The following CHGA variants were observed in gnomAD, a reference collection of about 807,000 sequenced individuals.
The protein encoded by CHGA is chromogranin A, also known as chromogranin-A.
A neutral mutation model predicts 54.4 loss-of-function variants in CHGA; 41 were observed. That is an observed-to-expected ratio of 0.75 (90% CI 0.59 to 0.98). The LOEUF is 0.98. Among genes scored for constraint, CHGA ranks in the 50% least tolerant of loss-of-function variants. The pLI is 0.00. For missense variants in CHGA, 576 were observed against 582.3 expected (o/e 0.99, Z 0.11); for synonymous variants, 249 against 232.8 (o/e 1.07, Z -0.63).
chr14:92,933,826 A>G (rs1887062597), intron 7 of CHGA, among the ~76,000 whole-genome samples: 1 of 152,194 alleles, frequency 6.6e-6, no homozygotes, highest in Non-Finnish European at 1.5e-5. Flanking sequence ...GGGGGCCCAG[A>G]GGTGCCACCA....
At chr14:92,928,300 G>GGT (rs1242839244) in intron 4 of CHGA, among the ~76,000 whole-genome samples, 1 of 152,210 alleles carries the variant, frequency 6.6e-6, no homozygotes, top group Non-Finnish European at 1.5e-5. Flanking sequence ...CTTCAGGATG[G>GGT]GCCCCACTCT....
chr14:92,925,914 G>A (rs9658646), intron 2 of CHGA, among the ~76,000 whole-genome samples: 1,884 of 152,224 alleles, frequency 0.012, 41 homozygotes, highest in African/African-American at 0.043. Flanking sequence ...TTTATCAGAT[G>A]CCTAATTATC....
chr14:92,924,278 G>A (rs1471244223), intron 2 of CHGA, 33 bp downstream of exon 2: 5 of 1,601,124 alleles, frequency 3.1e-6, no homozygotes, highest in South Asian at 1.1e-5. Context: ...AGGGGTAGGA[G>A]GCTCCAGTGG....
intron 5 of CHGA, among the ~76,000 whole-genome samples, chr14:92,930,389 T>G (rs766682061): frequency 5.9e-5 from 9 of 152,178 alleles, no homozygotes; most frequent in Non-Finnish European, 8.8e-5. Flanking sequence ...CTGCTCTCCA[T>G]GTAGAAGATG....
intron 2 of CHGA, among the ~76,000 whole-genome samples, chr14:92,925,710 G>T (rs1886873532): frequency 3.3e-5 from 5 of 152,164 alleles, no homozygotes; most frequent in Admixed American, 2.0e-4. Context: ...CCCTCCCTGG[G>T]CGTGCTGACA....
chr14:92,928,133 C>T (rs1263509675), intron 4 of CHGA, among the ~76,000 whole-genome samples: 2 of 152,212 alleles, frequency 1.3e-5, no homozygotes, highest in Non-Finnish European at 2.9e-5. Context: ...GGGAAGCGGC[C>T]GTTTCCACCA....
Position 92,931,912 on chromosome 14 carries a change from C to T in CHGA, c.808+210C>T, listed in dbSNP as rs543077565. The stretch of plus-strand genomic sequence containing the variant: ...ATTTGTAGCAAAAGCTGAGGTTCTA[C>T]CCCAGATTTATCTGACTCCAAAACC... On this transcript the variant is annotated intron_variant, in intron 6 of 7. Transcript: ENST00000216492. 2.2e-4 allele frequency among the ~76,000 whole-genome samples: 34 copies of T among 152,322 alleles called. No individual in the cohort carries two copies. In the South Asian group the frequency reaches 6.8e-3, roughly 31 times the overall value.
rs911132107 is a variant in CHGA, at chr14:92,932,967, G to C, written c.1290+116G>C. On this transcript the variant is annotated intron_variant, in intron 7 of 7. Coordinates refer to ENST00000216492, the MANE Select transcript of CHGA (RefSeq NM_001275.4). The surrounding 1 kb of genome is among the most constrained non-coding windows in gnomAD (Gnocchi z 5.3). Reference sequence around the variant, plus strand: ...GGACAGGGCCCCCCCGCCGAAGTCTGGGGATGGAGAGATGCTCAGACCGGG... The same window carrying C: ...GGACAGGGCCCCCCCGCCGAAGTCTCGGGATGGAGAGATGCTCAGACCGGG... 21 of 1,404,674 alleles carry C rather than the reference G, an allele frequency of 1.5e-5. No homozygotes were observed. In the African/African-American group the frequency reaches 2.2e-4, roughly 15 times the overall value. 87.0% of individuals were successfully genotyped at this position (1,404,674 alleles called of 1,614,324 possible). A position where few individuals can be genotyped will look rare whatever the true frequency, so the allele number is the denominator to read the frequency against.
At chr14:92,924,636 G>C (rs569120265) in intron 2 of CHGA, among the ~76,000 whole-genome samples, 25 of 152,286 alleles carry the variant, frequency 1.6e-4, no homozygotes, top group Non-Finnish European at 3.1e-4. Context: ...TGGCCTCCCC[G>C]CTTTGCTCTT....
rs1292055149 is a variant in CHGA at position 92,934,669 on chromosome 14, T to C, written c.1291-132T>C. The stretch of plus-strand genomic sequence containing the variant: ...AGTAAGCTCATTATCACTGTCTCCA[T>C]GATGGATGAGGGTACAGAGAGACAA... On this transcript the variant is annotated intron_variant, in intron 7 of 7. Transcript: ENST00000216492. 4.5e-6 allele frequency: 3 copies of C among 671,538 alleles called. No homozygotes were observed. In the African/African-American group the frequency reaches 5.6e-5, roughly 13 times the overall value. 41.6% of individuals were successfully genotyped at this position (671,538 alleles called of 1,614,324 possible).
At position 92,934,966 on chromosome 14, in the gene CHGA, C is replaced by A; in HGVS notation, c.*82C>A. The A allele has an allele frequency of 2.4e-6, 3 of 1,258,370 alleles. No homozygotes were observed. The highest frequency in any genetic ancestry group is 3.2e-6 in the Non-Finnish European group (3 of 925,182). The allele number at this position is 1,258,370 out of a possible 1,614,324, so 78.0% of individuals were successfully genotyped here. ...CCTTGGCAGGTCCTGGCCAGATGGCCCGGATGCTGCTTCCGGTAGGGAGGC... is the reference window on the plus strand; with the variant it reads ...CCTTGGCAGGTCCTGGCCAGATGGCACGGATGCTGCTTCCGGTAGGGAGGC... On this transcript the variant is annotated 3_prime_UTR_variant, in exon 8 of 8. Transcript: ENST00000216492.
Position 92,926,459 on chromosome 14 carries a change from G to A in CHGA, c.94-146G>A, listed in dbSNP as rs1237898619. On this transcript the variant is annotated intron_variant, in intron 2 of 7. Coordinates refer to ENST00000216492, the MANE Select transcript of CHGA (RefSeq NM_001275.4). ...CTATCACTGTCTGGCTAAGAAAGCA[G>A]AGCTGTGTCCCTGAGCCAGGGATCA... 4.6e-6 allele frequency: 3 copies of A among 655,182 alleles called. No homozygotes were observed. The Admixed American group carries it at 7.2e-5, about 16-fold the overall frequency. The allele number at this position is 655,182 out of a possible 1,614,324, so 40.6% of individuals were successfully genotyped here. A position where few individuals can be genotyped will look rare whatever the true frequency, so the allele number is the denominator to read the frequency against.
rs745861727 is a variant in CHGA at position 92,931,294 on chromosome 14, G to C, written c.400G>C (p.Glu134Gln). 1.2e-6 allele frequency: 2 copies of C among 1,613,566 alleles called. No homozygotes were observed. Among genetic ancestry groups the C allele is most frequent in the African/African-American group, 1.3e-5 (1 of 74,936 alleles). The stretch of plus-strand genomic sequence containing the variant: ...ATCCAAGGATGTTATGGAGAAAAGA[G>C]AGGATTCCAAGGAGGCAGAGAAAAG... ...PSSKDVMEKREDSKEAEKSGE... is the reference protein window; with the variant it reads ...PSSKDVMEKRQDSKEAEKSGE... The change falls in exon 6 of 8, where the codon GAG becomes CAG. Residue 134 changes from glutamate (E) to glutamine (Q), a missense_variant. Coordinates refer to ENST00000216492, the MANE Select transcript of CHGA (RefSeq NM_001275.4).
At chr14:92,925,331 G>A (rs1310240996) in intron 2 of CHGA, among the ~76,000 whole-genome samples, 2 of 152,114 alleles carry the variant, frequency 1.3e-5, no homozygotes, top group African/African-American at 2.4e-5. Flanking sequence ...TCTCGAACAG[G>A]TGGTTATCTG....
Position 92,931,671 on chromosome 14 carries a change from C to A in CHGA, c.777C>A (p.Ser259Arg). ...CTGTAGTGCTGAACCCCCACCCGAG[C>A]CTTGGCTACAAGGAGATCCGGAAAG... is the stretch of plus-strand genomic sequence containing the variant. ...GPTVVLNPHP[S>R]LGYKEIRKGE... The change falls in exon 6 of 8, where the codon AGC (serine) becomes AGA (arginine). Residue 259 changes from serine (S) to arginine (R), a missense_variant. Transcript: ENST00000216492. 1 of 1,590,084 alleles carries A rather than the reference C, an allele frequency of 6.3e-7. No homozygotes were observed. The highest frequency in any genetic ancestry group is 8.6e-7 in the Non-Finnish European group (1 of 1,164,744).
intron 5 of CHGA, 65 bp from the exon 6 acceptor site, chr14:92,931,185 C>A: frequency 6.8e-7 from 1 of 1,476,604 alleles, no homozygotes; most frequent in Non-Finnish European, 9.2e-7. Flanking sequence ...CTGAAATTAG[C>A]CTGTGGGGAG....
chr14:92,931,581 G>C lies in CHGA; in HGVS notation c.687G>C (p.Glu229Asp), dbSNP rs1263256388. 1.3e-6 allele frequency: 2 copies of C among 1,561,280 alleles called. No homozygotes were observed. ...CAGGGTGGCAGGCAAAGAGAGAAGA[G>C]GAGGAGGAGGAGGAGGAGGAGGCTG... is the stretch of plus-strand genomic sequence containing the variant. ...AEPGWQAKRE[E>D]EEEEEEEAEA... The change falls in exon 6 of 8, where the codon GAG becomes GAC. Residue 229 changes from glutamate (E) to aspartate (D), a missense_variant. Glu to Asp is a conservative substitution (Grantham distance 45). Coordinates refer to ENST00000216492, the MANE Select transcript of CHGA (RefSeq NM_001275.4).
chr14:92,929,573 C>A, intron 4 of CHGA, 144 bp from the exon 5 acceptor site: 2 of 720,246 alleles, frequency 2.8e-6, no homozygotes, highest in South Asian at 1.7e-5. Context: ...GCTCCCCAAG[C>A]TCACGCCCCA....
Position 92,931,570 on chromosome 14 carries a change from A to G in CHGA, c.676A>G (p.Lys226Glu). Residue 226 changes from lysine (K) to glutamate (E), a missense_variant, in exon 6 of 8, where the codon AAG becomes GAG. Coordinates refer to ENST00000216492, the MANE Select transcript of CHGA (RefSeq NM_001275.4). ...GLSAEPGWQAKREEEEEEEEE... is the reference protein window; with the variant it reads ...GLSAEPGWQAEREEEEEEEEE... The stretch of plus-strand genomic sequence containing the variant: ...GAGTGCAGAGCCAGGGTGGCAGGCA[A>G]AGAGAGAAGAGGAGGAGGAGGAGGA... The G allele has an allele frequency of 1.9e-6, 3 of 1,612,604 alleles. No homozygotes were observed. Among genetic ancestry groups the G allele is most frequent in the Non-Finnish European group, 2.5e-6 (3 of 1,179,724 alleles).
Sources: gnomAD v4.1 joint callset for allele counts (sites outside exome capture counted in the v4.1 genomes callset) on GRCh38, gnomAD v4.1.1 for gene constraint, Gnocchi (gnomAD v3.1) non-coding constraint, MANE v1.5 for transcripts, NCBI Gene and HGNC (gene_info 2026-07-23, HGNC 2026-07-21) for gene names.